OR51B5: variants seen among roughly 807,000 people sequenced by gnomAD.
OR51B5 encodes the protein olfactory receptor 51B5.
For synonymous variants in OR51B5, 186 were observed against 144.8 expected (o/e 1.28, Z -2.04); for missense variants, 456 against 374.6 (o/e 1.22, Z -1.79).
chr11:5,460,798 G>C (rs1220958691), intron 1 of OR51B5, among the ~76,000 whole-genome samples: 1 of 152,232 alleles, frequency 6.6e-6, no homozygotes, highest in Non-Finnish European at 1.5e-5. Flanking sequence ...TGTGATATAA[G>C]TTTGGTTTAG....
At chr11:5,395,994 G>C (rs996609038) in intron 1 of OR51B5, among the ~76,000 whole-genome samples, 3 of 152,188 alleles carry the variant, frequency 2.0e-5, no homozygotes, top group Non-Finnish European at 4.4e-5. Context: ...CTATGGAGTA[G>C]GTAGAATTGT....
intron 1 of OR51B5, chr11:5,455,756 A>G (rs888856726): frequency 6.6e-6 from 1 of 152,168 alleles, no homozygotes; most frequent in Non-Finnish European, 1.5e-5. Context: ...AACAAGAGAG[A>G]GAGTCAGAAA....
intron 1 of OR51B5, chr11:5,505,249 G>T: frequency 8.4e-7 from 1 of 1,188,640 alleles, no homozygotes; most frequent in Non-Finnish European, 1.1e-6. Context: ...ATTGCTATTA[G>T]GTTTTTTGTT....
chr11:5,343,138 T>C, exon 1 of OR51B5: 2 of 1,613,684 alleles, frequency 1.2e-6, no homozygotes. Context: ...CAGAGGTATA[T>C]CTAAGAGGGT....
intron 1 of OR51B5, among the ~76,000 whole-genome samples, chr11:5,495,933 T>C (rs1851644799): frequency 6.6e-6 from 1 of 152,098 alleles, no homozygotes; most frequent in African/African-American, 2.4e-5. Flanking sequence ...CGTAGCAGGG[T>C]GGCATATTGC....
intron 1 of OR51B5, among the ~76,000 whole-genome samples, chr11:5,382,022 A>C (rs1439689440): frequency 5.3e-5 from 8 of 152,220 alleles, no homozygotes; most frequent in Non-Finnish European, 1.2e-4. Flanking sequence ...CAGACTTTAA[A>C]TCCTTCCTGC....
intron 1 of OR51B5, chr11:5,488,787 C>T: frequency 6.2e-7 from 1 of 1,614,040 alleles, no homozygotes; most frequent in Non-Finnish European, 8.5e-7. Context: ...AGGCTGCCCA[C>T]TTCTGGATTG....
At chr11:5,448,644 TAAGA>T (rs1850804039) in intron 1 of OR51B5, among the ~76,000 whole-genome samples, 2 of 152,282 alleles carry the variant, frequency 1.3e-5, no homozygotes, top group South Asian at 2.1e-4. Flanking sequence ...AAAGTAACTG[TAAGA>T]AAGAGTCAGC....
chr11:5,355,867 T>C (rs922421085), intron 1 of OR51B5, among the ~76,000 whole-genome samples: 3 of 152,056 alleles, frequency 2.0e-5, no homozygotes. Flanking sequence ...TAGGCGTCAA[T>C]ATACAGACAA....
At chr11:5,342,963 C>T in exon 1 of OR51B5, 1 of 1,613,680 alleles carries the variant, frequency 6.2e-7, no homozygotes, top group Non-Finnish European at 8.5e-7. Flanking sequence ...GTGGTATCAG[C>T]ACAGGCGAGT....
At chr11:5,504,720 A>G (rs1469443671) in intron 1 of OR51B5, among the ~76,000 whole-genome samples, 1 of 152,124 alleles carries the variant, frequency 6.6e-6, no homozygotes, top group Non-Finnish European at 1.5e-5. Context: ...TTAGTCACTC[A>G]TTGTTTAACA....
intron 1 of OR51B5, among the ~76,000 whole-genome samples, chr11:5,404,963 T>C (rs1850037560): frequency 6.6e-6 from 1 of 152,180 alleles, no homozygotes; most frequent in East Asian, 1.9e-4. Flanking sequence ...TTAAGAACTG[T>C]AACAATCACC....
At chr11:5,493,802 A>G (rs1215353882) in intron 1 of OR51B5, among the ~76,000 whole-genome samples, 1 of 152,210 alleles carries the variant, frequency 6.6e-6, no homozygotes, top group Non-Finnish European at 1.5e-5. Context: ...AGAATTTTCA[A>G]TGACTAAAAA....
chr11:5,393,624 T>G (rs371109564), intron 1 of OR51B5, among the ~76,000 whole-genome samples: 1 of 152,118 alleles, frequency 6.6e-6, no homozygotes, highest in African/African-American at 2.4e-5. Flanking sequence ...ATAATTATGA[T>G]CATGATAAAT....
intron 1 of OR51B5, among the ~76,000 whole-genome samples, chr11:5,388,889 G>A (rs1177167530): frequency 1.3e-5 from 2 of 152,082 alleles, no homozygotes; most frequent in Admixed American, 6.6e-5. Flanking sequence ...TGGTTGATTA[G>A]ATACTATGGA....
intron 1 of OR51B5, chr11:5,393,146 T>C (rs1211995685): frequency 1.3e-5 from 2 of 152,144 alleles, no homozygotes; most frequent in Non-Finnish European, 2.9e-5. Context: ...TGTGGCAAAA[T>C]TTTTTTCCTG....
chr11:5,350,134 A>C (rs1479059528), intron 1 of OR51B5, among the ~76,000 whole-genome samples: 2 of 152,204 alleles, frequency 1.3e-5, no homozygotes, highest in East Asian at 3.8e-4. Context: ...AAATAAAAAA[A>C]TTATCCACTC....
intron 1 of OR51B5, among the ~76,000 whole-genome samples, chr11:5,369,300 C>T (rs530842367): frequency 2.4e-4 from 37 of 152,196 alleles, no homozygotes; most frequent in African/African-American, 8.4e-4. Flanking sequence ...AACAAAGTCA[C>T]GGCTTAACAA....
chr11:5,406,210 T>C (rs900358329), intron 1 of OR51B5, among the ~76,000 whole-genome samples: 1 of 152,202 alleles, frequency 6.6e-6, no homozygotes, highest in Non-Finnish European at 1.5e-5. Flanking sequence ...TGTATGGCCA[T>C]TGGAAATACT....
Sources: gnomAD v4.1 joint callset for allele counts (sites outside exome capture counted in the v4.1 genomes callset) on GRCh38, gnomAD v4.1.1 for gene constraint, MANE v1.5 for transcripts, NCBI Gene and HGNC (gene_info 2026-07-23, HGNC 2026-07-21) for gene names.